DHRS7: variants seen among roughly 807,000 people sequenced by gnomAD.
DHRS7 encodes dehydrogenase/reductase SDR family member 7.
Under a neutral mutation model 38.9 loss-of-function variants are expected in DHRS7, and 34 were observed. The observed-to-expected ratio is 0.87, with a 90% CI of 0.66 to 1.16. DHRS7 has a LOEUF of 1.16. Among genes scored for constraint, DHRS7 ranks in the 50% most tolerant of loss-of-function variants. DHRS7 has a pLI of 0.00. For synonymous variants in DHRS7, 158 were observed against 153.1 expected, an observed-to-expected ratio of 1.03 and a Z score of -0.24; for missense variants, 421 against 407.0, an observed-to-expected ratio of 1.03 and a Z score of -0.30.
chr14:60,155,664 C>T (rs185131396), intron 2 of DHRS7, among the ~76,000 whole-genome samples: 1 of 152,238 alleles, frequency 6.6e-6, no homozygotes, highest in East Asian at 1.9e-4. Context: ...TTTCTATGAT[C>T]AGATACATGT....
Position 60,145,699 on chromosome 14 carries a change from T to G in DHRS7, c.973-686A>C, listed in dbSNP as rs570778075. ...CAAAAAAAATAAAAAGAAAAAAAAA[T>G]TATTTGTGAACTTTTTGTATATTGC... is the stretch of plus-strand genomic sequence containing the variant. On this transcript the variant is annotated intron_variant, in intron 6 of 6. Transcript: ENST00000557185. The surrounding 1 kb of genome is among the most constrained non-coding windows in gnomAD (Gnocchi z 4.0). 6.6e-6 allele frequency: 1 copy of G among 151,788 alleles called. No homozygotes were observed. The highest frequency in any genetic ancestry group is 1.5e-5 in the Non-Finnish European group (1 of 67,932). 9.4% of individuals were successfully genotyped at this position (151,788 alleles called of 1,614,324 possible). A position where few individuals can be genotyped will look rare whatever the true frequency, so the allele number is the denominator to read the frequency against.
Position 60,145,196 on chromosome 14 carries a change from A to C in DHRS7, c.973-183T>G, listed in dbSNP as rs112165989. The C allele has an allele frequency of 3.9e-5, 18 of 464,484 alleles. No individual in the cohort carries two copies. The highest frequency in any genetic ancestry group is 2.9e-4 in the African/African-American group (14 of 49,036). The allele number at this position is 464,484 out of a possible 1,614,324, so 28.8% of individuals were successfully genotyped here. On this transcript the variant is annotated intron_variant, in intron 6 of 6. Coordinates refer to ENST00000557185, the MANE Select transcript of DHRS7 (RefSeq NM_016029.4). This position sits in a 1 kb window ranked among gnomAD's most constrained non-coding sequence, Gnocchi z 4.0. ...CATAGCCAAAATTCTAGATGTACAC[A>C]AAAGTACTTCTAATGAGTTTAGCAT...
rs779920937 is a variant in DHRS7 at position 60,144,828 on chromosome 14, C to T, written c.*138G>A. On this transcript the variant is annotated 3_prime_UTR_variant, in exon 7 of 7. Transcript: ENST00000557185. Reference sequence around the variant, plus strand: ...TTTATTATTTATTTTTTATTTCATTCCATGTTGGAAGCAAAGTCATATCTA... The same window carrying T: ...TTTATTATTTATTTTTTATTTCATTTCATGTTGGAAGCAAAGTCATATCTA... 6.9e-6 allele frequency: 5 copies of T among 729,622 alleles called. No homozygotes were observed. The highest frequency in any genetic ancestry group is 5.2e-5 in the South Asian group (3 of 57,800). The allele number at this position is 729,622 out of a possible 1,614,324, so 45.2% of individuals were successfully genotyped here.
intron 4 of DHRS7, 22 bp downstream of exon 4, chr14:60,152,917 A>G (rs769138524): frequency 6.2e-7 from 1 of 1,613,666 alleles, no homozygotes; most frequent in Non-Finnish European, 8.5e-7. Context: ...GTTCTATCAG[A>G]GTTGAGTTTG....
At position 60,165,377 on chromosome 14, in the gene DHRS7, G is replaced by A. The variant is rs1595204147; in HGVS notation, c.-68C>T. On this transcript the variant is annotated 5_prime_UTR_variant, in exon 1 of 7. Coordinates refer to ENST00000557185, the MANE Select transcript of DHRS7 (RefSeq NM_016029.4). This position sits in a 1 kb window ranked among gnomAD's most constrained non-coding sequence, Gnocchi z 4.6. Reference sequence around the variant, plus strand: ...CACCAGAGTCGCGTCGCTGCCCTGCGGGATCGCAGCGCCACCCCTTCGGCC... The same window carrying A: ...CACCAGAGTCGCGTCGCTGCCCTGCAGGATCGCAGCGCCACCCCTTCGGCC... The A allele has an allele frequency of 1.3e-6, 2 of 1,518,888 alleles. No homozygotes were observed. Among genetic ancestry groups the A allele is most frequent in the African/African-American group, 1.4e-5 (1 of 72,864 alleles). The allele number at this position is 1,518,888 out of a possible 1,614,324, so 94.1% of individuals were successfully genotyped here. A position where few individuals can be genotyped will look rare whatever the true frequency, so the allele number is the denominator to read the frequency against.
chr14:60,161,128 A>G lies in DHRS7; in HGVS notation c.133+4049T>C, dbSNP rs1896757562. 6.6e-6 allele frequency among the ~76,000 whole-genome samples: 1 copy of G among 152,188 alleles called. No individual in the cohort carries two copies. Among genetic ancestry groups the G allele is most frequent in the Admixed American group, 6.5e-5 (1 of 15,282 alleles). Reference sequence around the variant, plus strand: ...TCAACTCCTCTGTTTACAGAGTTTTAGTCACTTTTAACAATTTTTTAAAAT... The same window carrying G: ...TCAACTCCTCTGTTTACAGAGTTTTGGTCACTTTTAACAATTTTTTAAAAT... On this transcript the variant is annotated intron_variant, in intron 1 of 6. Coordinates refer to ENST00000557185, the MANE Select transcript of DHRS7 (RefSeq NM_016029.4). This position sits in a 1 kb window ranked among gnomAD's most constrained non-coding sequence, Gnocchi z 4.2.
chr14:60,165,171 C>T lies in DHRS7; in HGVS notation c.133+6G>A. On this transcript the variant is annotated splice_donor_region_variant and intron_variant, in intron 1 of 6. Coordinates refer to ENST00000557185, the MANE Select transcript of DHRS7 (RefSeq NM_016029.4). The surrounding 1 kb of genome is among the most constrained non-coding windows in gnomAD (Gnocchi z 4.6). Reference sequence around the variant, plus strand: ...CCACTCGGGAGAGGCTTTGGCCGGTCCTCACCTGGGCGTCGTCCCTGCCAC... The same window carrying T: ...CCACTCGGGAGAGGCTTTGGCCGGTTCTCACCTGGGCGTCGTCCCTGCCAC... The T allele has an allele frequency of 6.2e-7, 1 of 1,611,680 alleles. No homozygotes were observed. The highest frequency in any genetic ancestry group is 8.5e-7 in the Non-Finnish European group (1 of 1,179,564).
rs560033260 is a variant in DHRS7, at chr14:60,162,335, T to G, written c.133+2842A>C. 5.3e-4 allele frequency among the ~76,000 whole-genome samples: 80 copies of G among 151,478 alleles called. No individual in the cohort carries two copies. The highest frequency in any genetic ancestry group is 9.6e-4 in the Non-Finnish European group (65 of 67,936). ...CTGCAGTGAGCTATGATCATGCCACTGCACTCCAGGCTGGGTGACAAAGCA... is the reference window on the plus strand; with the variant it reads ...CTGCAGTGAGCTATGATCATGCCACGGCACTCCAGGCTGGGTGACAAAGCA... On this transcript the variant is annotated intron_variant, in intron 1 of 6. Coordinates refer to ENST00000557185, the MANE Select transcript of DHRS7 (RefSeq NM_016029.4). The surrounding 1 kb of genome is among the most constrained non-coding windows in gnomAD (Gnocchi z 4.5).
At chr14:60,150,223 A>C in intron 4 of DHRS7, 36 bp from the exon 5 acceptor site, 1 of 1,491,362 alleles carries the variant, frequency 6.7e-7, no homozygotes, top group South Asian at 1.4e-5. Context: ...GAAAAAGGCA[A>C]ATAAATACAG....
chr14:60,167,023 A>G (rs1345713528), upstream of DHRS7, among the ~76,000 whole-genome samples: 1 of 152,248 alleles, frequency 6.6e-6, no homozygotes, highest in Non-Finnish European at 1.5e-5. Context: ...GATACAAAAA[A>G]TAGAAAGAAT....
rs913153933 is a variant in DHRS7 at position 60,153,753 on chromosome 14, C to T, written c.393+206G>A. Among the ~76,000 whole-genome samples the T allele has an allele frequency of 6.6e-6, 1 of 152,094 alleles. No homozygotes were observed. The highest frequency in any genetic ancestry group is 1.5e-5 in the Non-Finnish European group (1 of 68,026). ...TGAATTTTTAGCTTCTTTTGTTCTA[C>T]ATGGAGGAATTTGTACTTGTTAAGA... On this transcript the variant is annotated intron_variant, in intron 3 of 6. Coordinates refer to ENST00000557185, the MANE Select transcript of DHRS7 (RefSeq NM_016029.4). This position sits in a 1 kb window ranked among gnomAD's most constrained non-coding sequence, Gnocchi z 4.4.
In DHRS7 at chr14:60,162,015, C is replaced by T. The variant is rs530881230; in HGVS notation, c.133+3162G>A. Reference sequence around the variant, plus strand: ...ACATGTGCTGCTGTTGAAATTTTTCCTCCTCTAGACTTGTGCCATGGATTT... The same window carrying T: ...ACATGTGCTGCTGTTGAAATTTTTCTTCCTCTAGACTTGTGCCATGGATTT... On this transcript the variant is annotated intron_variant, in intron 1 of 6. Transcript: ENST00000557185. The surrounding 1 kb of genome is among the most constrained non-coding windows in gnomAD (Gnocchi z 4.5). 5.9e-5 allele frequency among the ~76,000 whole-genome samples: 9 copies of T among 152,306 alleles called. No individual in the cohort carries two copies. Among genetic ancestry groups the T allele is most frequent in the Middle Eastern group, 3.4e-3 (1 of 294 alleles).
upstream of DHRS7, chr14:60,168,940 A>T (rs1467812576): frequency 5.0e-6 from 3 of 595,928 alleles, no homozygotes; most frequent in Non-Finnish European, 7.9e-6. Flanking sequence ...AGAACCTGGG[A>T]CTCAAATTTT....
rs1359983293 is a variant in DHRS7, at chr14:60,153,126, T to G, written c.446A>C (p.Asp149Ala). 1.2e-6 allele frequency: 2 copies of G among 1,614,174 alleles called. No individual in the cohort carries two copies. The highest frequency in any genetic ancestry group is 3.3e-5 in the Admixed American group (2 of 60,030). ...CTTTCTGTAGACATCCAAGCTGGTA[T>G]CCATGCACAGAGAACGCTGGGACAT... is the stretch of plus-strand genomic sequence containing the variant. ...GGMSQRSLCM[D>A]TSLDVYRKLI... The change falls in exon 4 of 7, where the codon GAT (aspartate) becomes GCT (alanine). Residue 149 changes from aspartate (D) to alanine (A), a missense_variant. Transcript: ENST00000557185. This position sits in a 1 kb window ranked among gnomAD's most constrained non-coding sequence, Gnocchi z 4.4.
intron 2 of DHRS7, among the ~76,000 whole-genome samples, chr14:60,155,286 T>G (rs1283846482): frequency 6.6e-6 from 1 of 151,976 alleles, no homozygotes; most frequent in Non-Finnish European, 1.5e-5. Context: ...CCGTCTCCAT[T>G]AAAAATACAA....
At chr14:60,157,960 C>T (rs1441058048) in intron 1 of DHRS7, among the ~76,000 whole-genome samples, 3 of 152,102 alleles carry the variant, frequency 2.0e-5, no homozygotes, top group East Asian at 3.8e-4. Context: ...AGGCCAGGTA[C>T]GGTGGCTCAC....
At chr14:60,152,824 G>A in intron 4 of DHRS7, 115 bp downstream of exon 4, 1 of 1,218,374 alleles carries the variant, frequency 8.2e-7, no homozygotes, top group Admixed American at 2.2e-5. Context: ...GTCTCCTTGG[G>A]TCTCTCTGTC....
rs1479680277 is a variant in DHRS7 at position 60,165,105 on chromosome 14, C to T, written c.133+72G>A. 6.4e-7 allele frequency: 1 copy of T among 1,572,868 alleles called. No individual in the cohort carries two copies. The highest frequency in any genetic ancestry group is 8.6e-7 in the Non-Finnish European group (1 of 1,157,164). On this transcript the variant is annotated intron_variant, in intron 1 of 6. Transcript: ENST00000557185. This position sits in a 1 kb window ranked among gnomAD's most constrained non-coding sequence, Gnocchi z 4.6. ...GGACCCGGGATCACTGCAGAACCCC[C>T]GGAGACCCGGACACGCCTCGGCAGC...
At chr14:60,154,167 C>T (rs746307251) in intron 2 of DHRS7, 102 bp from the exon 3 acceptor site, 9 of 839,052 alleles carry the variant, frequency 1.1e-5, no homozygotes, top group East Asian at 2.7e-5. Flanking sequence ...TGGCAACAAA[C>T]TCATTTCTGG....
Sources: allele counts gnomAD v4.1 joint callset (sites outside exome capture counted in the v4.1 genomes callset), GRCh38; gene constraint gnomAD v4.1.1; non-coding constraint Gnocchi (gnomAD v3.1); transcripts MANE v1.5; gene names NCBI Gene and HGNC (gene_info 2026-07-23, HGNC 2026-07-21).